Variants in DPP6 observed in about 807,000 individuals in gnomAD.
DPP6 encodes dipeptidyl peptidase like 6.
A neutral mutation model predicts 122.6 loss-of-function variants in DPP6; 69 were observed. That is an observed-to-expected ratio of 0.56 (90% CI 0.46 to 0.69). DPP6 has a LOEUF of 0.69. Among genes scored for constraint, DPP6 ranks in the 30% least tolerant of loss-of-function variants. The pLI, the probability that DPP6 is intolerant of heterozygous loss-of-function variation, is 0.00. For missense variants in DPP6, 928 were observed against 1,116.9 expected (o/e 0.83, Z 2.41); for synonymous variants, 418 against 433.1 (o/e 0.97, Z 0.43).
intron 1 of DPP6, among the ~76,000 whole-genome samples, chr7:154,020,237 G>A (rs557585116): frequency 5.3e-5 from 8 of 151,946 alleles, no homozygotes; most frequent in Non-Finnish European, 1.2e-4. Flanking sequence ...CTAGATAAAA[G>A]CGTGATAGAG....
At chr7:154,820,783 T>C (rs1799710710) in intron 16 of DPP6, among the ~76,000 whole-genome samples, 1 of 152,098 alleles carries the variant, frequency 6.6e-6, no homozygotes. Context: ...CAAGATATGA[T>C]GGAAAAAAAC....
chr7:154,561,976 C>G, intron 4 of DPP6, among the ~76,000 whole-genome samples: 1 of 152,076 alleles, frequency 6.6e-6, no homozygotes, highest in East Asian at 1.9e-4. Flanking sequence ...AAACTCAAGG[C>G]CCAAATTGAT....
chr7:154,340,092 A>G (rs1809794157), intron 1 of DPP6, among the ~76,000 whole-genome samples: 1 of 152,110 alleles, frequency 6.6e-6, no homozygotes, highest in Admixed American at 6.5e-5. Context: ...AAAAAAATTA[A>G]TGTGGTTGAC....
chr7:153,775,493 G>A, the DPP6 span, among the ~76,000 whole-genome samples: 1 of 151,528 alleles, frequency 6.6e-6, no homozygotes, highest in African/African-American at 2.4e-5. Flanking sequence ...CTCCTGTTTA[G>A]CATCATACTA....
chr7:154,730,331 G>T (rs930173160), intron 8 of DPP6, among the ~76,000 whole-genome samples: 4 of 152,050 alleles, frequency 2.6e-5, no homozygotes, highest in African/African-American at 9.7e-5. Context: ...GAGGAGACCT[G>T]GCCCAGTCAC....
At chr7:154,295,861 T>C (rs561679579) in intron 1 of DPP6, among the ~76,000 whole-genome samples, 2 of 152,140 alleles carry the variant, frequency 1.3e-5, no homozygotes, top group Non-Finnish European at 2.9e-5. Context: ...TTTTCTTAAG[T>C]ACTGTGTCTA....
intron 1 of DPP6, among the ~76,000 whole-genome samples, chr7:154,047,353 T>G (rs1156406901): frequency 6.7e-6 from 1 of 148,622 alleles, no homozygotes; most frequent in Non-Finnish European, 1.5e-5. Flanking sequence ...ATATTTAACT[T>G]AATTCACCTG....
intron 7 of DPP6, among the ~76,000 whole-genome samples, chr7:154,708,385 A>G (rs1054161700): frequency 7.9e-5 from 12 of 152,226 alleles, no homozygotes; most frequent in African/African-American, 2.4e-4. Flanking sequence ...TGCTCCCGTC[A>G]GGTGAGCACA....
At chr7:153,764,249 G>A in the DPP6 span, among the ~76,000 whole-genome samples, 1 of 152,102 alleles carries the variant, frequency 6.6e-6, no homozygotes, top group Non-Finnish European at 1.5e-5. Flanking sequence ...AACCTGCACT[G>A]GGGAAGGGAA....
At chr7:153,933,713 A>ACG (rs1801288889) in intron 1 of DPP6, among the ~76,000 whole-genome samples, 1 of 151,932 alleles carries the variant, frequency 6.6e-6, no homozygotes, top group Non-Finnish European at 1.5e-5. Flanking sequence ...TCTCACACAC[A>ACG]CACACCTGCA....
chr7:154,592,781 C>G (rs1437703180), intron 5 of DPP6, among the ~76,000 whole-genome samples: 2 of 152,172 alleles, frequency 1.3e-5, no homozygotes, highest in African/African-American at 4.8e-5. Flanking sequence ...GATGTTTGAA[C>G]ATGTCATCCG....
chr7:154,669,498 A>G, intron 7 of DPP6, 57 bp downstream of exon 7: 1 of 1,545,344 alleles, frequency 6.5e-7, no homozygotes, highest in Non-Finnish European at 8.7e-7. Flanking sequence ...TCTGTTTTCT[A>G]AGCTGAATGG....
intron 5 of DPP6, among the ~76,000 whole-genome samples, chr7:154,571,642 C>A (rs1793233727): frequency 6.6e-6 from 1 of 152,042 alleles, no homozygotes; most frequent in Non-Finnish European, 1.5e-5. Flanking sequence ...CAGATCATTG[C>A]CAGTGGAACA....
chr7:154,236,187 T>C (rs571904684), intron 1 of DPP6, among the ~76,000 whole-genome samples: 1 of 152,282 alleles, frequency 6.6e-6, no homozygotes, highest in South Asian at 2.1e-4. Flanking sequence ...TTAATAATAA[T>C]ACCAAACCTA....
chr7:154,311,037 C>T (rs1806827542), intron 1 of DPP6, among the ~76,000 whole-genome samples: 1 of 152,116 alleles, frequency 6.6e-6, no homozygotes, highest in South Asian at 2.1e-4. Context: ...TCTCTATAAG[C>T]TCTGAGAGGT....
At chr7:154,839,688 G>T (rs1017429286) in intron 16 of DPP6, among the ~76,000 whole-genome samples, 7 of 152,180 alleles carry the variant, frequency 4.6e-5, no homozygotes, top group African/African-American at 1.7e-4. Flanking sequence ...GCTGAATCTT[G>T]AACACTATGT....
At chr7:154,721,094 T>C (rs1841780365) in intron 7 of DPP6, among the ~76,000 whole-genome samples, 1 of 152,242 alleles carries the variant, frequency 6.6e-6, no homozygotes, top group Non-Finnish European at 1.5e-5. Context: ...AGGAAGAGAA[T>C]GTGAGAGGTG....
chr7:153,800,268 C>T, the DPP6 span, among the ~76,000 whole-genome samples: 1 of 152,094 alleles, frequency 6.6e-6, no homozygotes, highest in Admixed American at 6.6e-5. Flanking sequence ...CCTGTCATTT[C>T]CAGAAACACA....
At chr7:154,356,441 G>A (rs1293727323) in intron 1 of DPP6, among the ~76,000 whole-genome samples, 1 of 152,128 alleles carries the variant, frequency 6.6e-6, no homozygotes, top group Non-Finnish European at 1.5e-5. Context: ...AGTGGCCCTT[G>A]CCTGTAATCC....
Sources: gnomAD v4.1 joint callset for allele counts (sites outside exome capture counted in the v4.1 genomes callset) on GRCh38, gnomAD v4.1.1 for gene constraint, MANE v1.5 for transcripts, NCBI Gene and HGNC (gene_info 2026-07-23, HGNC 2026-07-21) for gene names.